Variants in CPAP observed in about 807,000 individuals in gnomAD.
CPAP encodes centrosome assembly and centriole elongation protein.
the CPAP span, chr13:24,911,979 G>A: frequency 1.2e-5 from 20 of 1,614,070 alleles, no homozygotes; most frequent in Admixed American, 1.7e-5. Flanking sequence ...ACCATGGTGA[G>A]CAGCTTCTCT....
chr13:24,911,956 G>A, the CPAP span: 5 of 1,614,048 alleles, frequency 3.1e-6, no homozygotes, highest in Non-Finnish European at 4.2e-6. Flanking sequence ...CTGGAAGTGT[G>A]CACTGCCCAG....
the CPAP span, among the ~76,000 whole-genome samples, chr13:24,916,871 T>A: frequency 6.6e-6 from 1 of 152,038 alleles, no homozygotes; most frequent in Non-Finnish European, 1.5e-5. Flanking sequence ...TTTACTGATA[T>A]GGAAGTAGTG....
chr13:24,906,467 T>C, the CPAP span: 1 of 1,614,216 alleles, frequency 6.2e-7, no homozygotes, highest in Non-Finnish European at 8.5e-7. Context: ...AGGAAGTCTG[T>C]CTTTACCTTG....
chr13:24,928,411 T>C, the CPAP span, among the ~76,000 whole-genome samples: 29 of 152,196 alleles, frequency 1.9e-4, no homozygotes, highest in Non-Finnish European at 3.2e-4. Context: ...TGAAACAGAT[T>C]TCTAGAATTA....
chr13:24,884,769 A>G, the CPAP span, among the ~76,000 whole-genome samples: 1 of 152,204 alleles, frequency 6.6e-6, no homozygotes, highest in Non-Finnish European at 1.5e-5. Flanking sequence ...TCCTTCTCTC[A>G]TTCCTCAAGG....
At chr13:24,907,046 T>G in the CPAP span, 58 of 1,599,112 alleles carry the variant, frequency 3.6e-5, no homozygotes, top group Non-Finnish European at 4.9e-5. Flanking sequence ...TAGATAAATC[T>G]CTAAAGCCTT....
chr13:24,909,849 T>TA, the CPAP span: 1 of 1,613,996 alleles, frequency 6.2e-7, no homozygotes. Flanking sequence ...TGCTTCTTGA[T>TA]ACTGTGCCTC....
At chr13:24,912,779 T>TTC in the CPAP span, 1 of 1,614,246 alleles carries the variant, frequency 6.2e-7, no homozygotes, top group South Asian at 1.1e-5. Context: ...TAAGGGTTGT[T>TTC]TGACTCCAAC....
chr13:24,886,159 A>C, the CPAP span: 2 of 485,120 alleles, frequency 4.1e-6, no homozygotes, highest in East Asian at 7.0e-5. Flanking sequence ...AGTGAGGTGA[A>C]TCTCTCTCTA....
the CPAP span, chr13:24,906,950 C>T: frequency 6.2e-7 from 1 of 1,613,266 alleles, no homozygotes; most frequent in Non-Finnish European, 8.5e-7. Context: ...TGGCAATGGT[C>T]CTTCTGCTTC....
the CPAP span, among the ~76,000 whole-genome samples, chr13:24,923,063 G>C: frequency 6.6e-6 from 1 of 152,232 alleles, no homozygotes; most frequent in South Asian, 2.1e-4. Flanking sequence ...TGGCGGGGCG[G>C]AAAACCGTTT....
the CPAP span, among the ~76,000 whole-genome samples, chr13:24,887,613 TC>T: frequency 6.6e-6 from 1 of 152,062 alleles, no homozygotes; most frequent in African/African-American, 2.4e-5. Flanking sequence ...AGCTCAGGGC[TC>T]CCCCTGATTC....
the CPAP span, among the ~76,000 whole-genome samples, chr13:24,932,798 C>G: frequency 6.6e-6 from 1 of 152,162 alleles, no homozygotes; most frequent in Non-Finnish European, 1.5e-5. Flanking sequence ...GTTGTAATAT[C>G]AGCCACAAAA....
the CPAP span, chr13:24,884,062 C>A: frequency 1.2e-6 from 2 of 1,613,560 alleles, no homozygotes; most frequent in Non-Finnish European, 8.5e-7. Flanking sequence ...GATTTCTTTT[C>A]TTCCATCTGG....
chr13:24,927,115 G>A, the CPAP span, among the ~76,000 whole-genome samples: 1 of 152,168 alleles, frequency 6.6e-6, no homozygotes, highest in Non-Finnish European at 1.5e-5. Context: ...CTAAAGTCAC[G>A]ATTTGGAGGG....
chr13:24,912,199 G>A, the CPAP span: 1 of 841,546 alleles, frequency 1.2e-6, no homozygotes. Context: ...GGACCCCTAG[G>A]TAACTAAATC....
the CPAP span, among the ~76,000 whole-genome samples, chr13:24,902,633 A>T: frequency 6.6e-6 from 1 of 152,354 alleles, no homozygotes; most frequent in South Asian, 2.1e-4. Flanking sequence ...TAGAAAAGAA[A>T]TACGGAAGAG....
the CPAP span, among the ~76,000 whole-genome samples, chr13:24,914,188 C>T: frequency 6.6e-6 from 1 of 152,110 alleles, no homozygotes; most frequent in Non-Finnish European, 1.5e-5. Context: ...AATTAAGGAC[C>T]AAGGGATGGA....
chr13:24,909,299 G>A, the CPAP span, among the ~76,000 whole-genome samples: 1 of 152,280 alleles, frequency 6.6e-6, no homozygotes, highest in African/African-American at 2.4e-5. Flanking sequence ...GGCCAAGGCA[G>A]GCAGATCACT....
Sources: allele counts gnomAD v4.1 joint callset (sites outside exome capture counted in the v4.1 genomes callset), GRCh38; gene constraint gnomAD v4.1.1; transcripts MANE v1.5; gene names NCBI Gene and HGNC (gene_info 2026-07-23, HGNC 2026-07-21).